Variants in SLC35E2B observed in about 807,000 individuals in gnomAD.
SLC35E2B encodes the protein solute carrier family 35 member E2B, also known as solute carrier family 35, member E2B.
SLC35E2B carries 18 observed loss-of-function variants against 32.4 expected under a neutral mutation model. The observed-to-expected ratio is 0.56, with a 90% CI of 0.38 to 0.82. SLC35E2B has a LOEUF of 0.82. Among genes scored for constraint, SLC35E2B ranks in the 40% least tolerant of loss-of-function variants. The pLI is 0.00. For missense variants in SLC35E2B, 263 were observed against 469.5 expected, an observed-to-expected ratio of 0.56 and a Z score of 4.06; for synonymous variants, 132 against 209.1, an observed-to-expected ratio of 0.63 and a Z score of 3.18.
At position 1,675,461 on chromosome 1, in the gene SLC35E2B, A is replaced by G; in HGVS notation, c.586+2T>C. On this transcript the variant is annotated splice_donor_variant, in intron 5 of 9. Transcript: ENST00000617444. LOFTEE classifies it high-confidence loss of function. ...CGGAGGGGCGGGGCCCGGGGGCCTC[A>G]CCTGTGTACTCCCCCAGAATCATCC... 6.2e-7 allele frequency: 1 copy of G among 1,611,708 alleles called. No individual in the cohort carries two copies. The highest frequency in any genetic ancestry group is 8.5e-7 in the Non-Finnish European group (1 of 1,179,328).
At chr1:1,670,414 G>C (rs971512116) in intron 6 of SLC35E2B, 19 of 321,496 alleles carry the variant, frequency 5.9e-5, no homozygotes, top group African/African-American at 4.0e-4. Context: ...GAGCCACCAC[G>C]CCCAACAGAT....
Position 1,665,415 on chromosome 1 carries a change from G to A in SLC35E2B, c.*367C>T, listed in dbSNP as rs1050715242. 2.2e-6 allele frequency: 1 copy of A among 458,814 alleles called. No individual in the cohort carries two copies. Among genetic ancestry groups the A allele is most frequent in the South Asian group, 5.2e-5 (1 of 19,068 alleles). 28.4% of individuals were successfully genotyped at this position (458,814 alleles called of 1,614,324 possible). A position where few individuals can be genotyped will look rare whatever the true frequency, so the allele number is the denominator to read the frequency against. On this transcript the variant is annotated 3_prime_UTR_variant, in exon 10 of 10. Coordinates refer to ENST00000617444, the MANE Select transcript of SLC35E2B (RefSeq NM_001290264.2). Reference sequence around the variant, plus strand: ...TGGGAAGCCGAGGGCTCTCTTGGCTGTGGCAGGGAGCGGCTCTCGTTGGCA... The same window carrying A: ...TGGGAAGCCGAGGGCTCTCTTGGCTATGGCAGGGAGCGGCTCTCGTTGGCA...
chr1:1,678,287 CA>C (rs1643870881), intron 2 of SLC35E2B, among the ~76,000 whole-genome samples: 1 of 152,154 alleles, frequency 6.6e-6, no homozygotes, highest in Non-Finnish European at 1.5e-5. Context: ...CCCCCTCCCC[CA>C]TGAAGACCTC....
intron 2 of SLC35E2B, among the ~76,000 whole-genome samples, chr1:1,688,133 A>AAAC (rs1201981715): frequency 6.6e-6 from 1 of 152,096 alleles, no homozygotes; most frequent in Non-Finnish European, 1.5e-5. Context: ...ACCCCCAGTA[A>AAAC]AACAACAGCC....
chr1:1,685,731 G>A (rs1208386716), intron 2 of SLC35E2B, among the ~76,000 whole-genome samples: 2 of 152,152 alleles, frequency 1.3e-5, no homozygotes, highest in Non-Finnish European at 2.9e-5. Context: ...GTGCATGGAC[G>A]CTGGATGTGG....
intron 2 of SLC35E2B, among the ~76,000 whole-genome samples, chr1:1,679,436 C>G (rs1010093419): frequency 6.6e-5 from 10 of 152,146 alleles, no homozygotes; most frequent in Admixed American, 6.5e-5. Flanking sequence ...CCCACACAAG[C>G]AGCCCAGTCC....
chr1:1,668,671 A>AT (rs1643606289), intron 8 of SLC35E2B, among the ~76,000 whole-genome samples, 199 bp from the exon 9 acceptor site: 1 of 152,010 alleles, frequency 6.6e-6, no homozygotes, highest in Non-Finnish European at 1.5e-5. Flanking sequence ...TGTTTTTATT[A>AT]TTTTTTGCAC....
At chr1:1,668,595 C>T in intron 8 of SLC35E2B, 123 bp from the exon 9 acceptor site, 1 of 1,563,484 alleles carries the variant, frequency 6.4e-7, no homozygotes, top group Non-Finnish European at 8.7e-7. Flanking sequence ...TGAGGACAGC[C>T]CTGAAAATGC....
At position 1,669,657 on chromosome 1, in the gene SLC35E2B, A is replaced by G; in HGVS notation, c.834+7T>C. On this transcript the variant is annotated splice_region_variant and intron_variant, in intron 8 of 9. Coordinates refer to ENST00000617444, the MANE Select transcript of SLC35E2B (RefSeq NM_001290264.2). ...GTAAGGACGGGACGCCTGTGTCTGA[A>G]ACCCACCGTAAAGAAAACCCGGGCC... 1 of 1,522,908 alleles carries G rather than the reference A, an allele frequency of 6.6e-7. No homozygotes were observed. The highest frequency in any genetic ancestry group is 2.5e-5 in the East Asian group (1 of 40,120). The allele number at this position is 1,522,908 out of a possible 1,614,324, so 94.3% of individuals were successfully genotyped here. A position where few individuals can be genotyped will look rare whatever the true frequency, so the allele number is the denominator to read the frequency against.
chr1:1,681,547 C>A (rs979498978), intron 2 of SLC35E2B, among the ~76,000 whole-genome samples: 1 of 151,148 alleles, frequency 6.6e-6, no homozygotes, highest in African/African-American at 2.4e-5. Context: ...TACTCTGTCG[C>A]CCAGGCTAGA....
rs1027875833 is a variant in SLC35E2B at position 1,665,296 on chromosome 1, C to A, written c.*486G>T. 11 of 314,534 alleles carry A rather than the reference C, an allele frequency of 3.5e-5. No individual in the cohort carries two copies. The East Asian group carries it at 5.6e-4, about 16-fold the overall frequency. 19.5% of individuals were successfully genotyped at this position (314,534 alleles called of 1,614,324 possible). A position where few individuals can be genotyped will look rare whatever the true frequency, so the allele number is the denominator to read the frequency against. Reference sequence around the variant, plus strand: ...CAGCAGGAGACCCTTCCTTCCAGGGCCCTCTGTCCCCTCCCTTCGGCCCTG... The same window carrying A: ...CAGCAGGAGACCCTTCCTTCCAGGGACCTCTGTCCCCTCCCTTCGGCCCTG... On this transcript the variant is annotated 3_prime_UTR_variant, in exon 10 of 10. Transcript: ENST00000617444.
Position 1,665,622 on chromosome 1 carries a change from T to C in SLC35E2B, c.*160A>G, listed in dbSNP as rs1643521461. On this transcript the variant is annotated 3_prime_UTR_variant, in exon 10 of 10. Transcript: ENST00000617444. ...TGATACCTGGAATCCCCAGTTTGAG[T>C]TTCTGCTGGTCTTCACCGACAAACC... 8.6e-7 allele frequency: 1 copy of C among 1,169,302 alleles called. No individual in the cohort carries two copies. Among genetic ancestry groups the C allele is most frequent in the African/African-American group, 1.6e-5 (1 of 64,356 alleles). The allele number at this position is 1,169,302 out of a possible 1,614,324, so 72.4% of individuals were successfully genotyped here.
chr1:1,666,010 GC>G lies in SLC35E2B; in HGVS notation c.989del (p.Ser330ThrfsTer3). 6.4e-7 allele frequency: 1 copy of G among 1,550,586 alleles called. No homozygotes were observed. Among genetic ancestry groups the G allele is most frequent in the Non-Finnish European group, 8.7e-7 (1 of 1,146,312 alleles). ...KISPVTFSVASTVKHALSIWL... is the reference protein window; with the variant it reads ...KISPVTFSVAXTVKHALSIWL... The stretch of plus-strand genomic sequence containing the variant: ...AGATGGACAAGGCATGTTTCACGGT[GC>G]TGGCGACGCTGCGGAGGCAAGGGGA... On this transcript the variant is annotated frameshift_variant, in exon 10 of 10. Transcript: ENST00000617444. LOFTEE classifies it high-confidence loss of function.
intron 5 of SLC35E2B, chr1:1,673,871 G>A (rs1257735535): frequency 1.3e-5 from 2 of 151,188 alleles, no homozygotes; most frequent in Non-Finnish European, 2.9e-5. Context: ...GCTGAAGCAG[G>A]AGAATGGCGA....
At chr1:1,684,493 C>T (rs757020156) in intron 2 of SLC35E2B, among the ~76,000 whole-genome samples, 1 of 152,008 alleles carries the variant, frequency 6.6e-6, no homozygotes, top group Non-Finnish European at 1.5e-5. Flanking sequence ...CGGGGGCTCA[C>T]GCCTGTCATC....
rs116497550 is a variant in SLC35E2B at position 1,663,742 on chromosome 1, T to C, written c.*2040A>G. ...CTGCTGCCTCCCAAAGTGCTGCGAT[T>C]AGAGGCGTGAGCCACCGCACCCAGT... On this transcript the variant is annotated 3_prime_UTR_variant, in exon 10 of 10. Coordinates refer to ENST00000617444, the MANE Select transcript of SLC35E2B (RefSeq NM_001290264.2). The C allele has an allele frequency of 3.9e-3, 2,524 of 655,312 alleles. 141 individuals are homozygous for C. In the African/African-American group the frequency reaches 0.042, roughly 11 times the overall value. The allele number at this position is 655,312 out of a possible 1,614,324, so 40.6% of individuals were successfully genotyped here.
intron 4 of SLC35E2B, 58 bp from the exon 5 acceptor site, chr1:1,675,648 C>G: frequency 7.1e-7 from 1 of 1,416,504 alleles, no homozygotes; most frequent in Non-Finnish European, 9.4e-7. Context: ...CTGCACCCAC[C>G]GGGCAGGCTC....
At chr1:1,679,084 CT>C (rs1229373327) in intron 2 of SLC35E2B, among the ~76,000 whole-genome samples, 2 of 152,250 alleles carry the variant, frequency 1.3e-5, no homozygotes, top group Non-Finnish European at 2.9e-5. Context: ...TGCCCCCTGG[CT>C]GGGGACGCTG....
At chr1:1,690,753 A>C (rs1249465274) in intron 2 of SLC35E2B, among the ~76,000 whole-genome samples, 2 of 57,662 alleles carry the variant, frequency 3.5e-5, no homozygotes, top group Non-Finnish European at 6.3e-5. Context: ...AAGAAAAAAA[A>C]AAAACAAAAC....
Sources: gnomAD v4.1 joint callset for allele counts (sites outside exome capture counted in the v4.1 genomes callset) on GRCh38, gnomAD v4.1.1 for gene constraint, MANE v1.5 for transcripts, NCBI Gene and HGNC (gene_info 2026-07-23, HGNC 2026-07-21) for gene names.